LINGO2: variants seen among roughly 807,000 people sequenced by gnomAD.
LINGO2 encodes the protein leucine-rich repeat and immunoglobulin-like domain-containing nogo receptor-interacting protein 2.
In LINGO2, 14 loss-of-function variants were observed where a neutral mutation model predicts 30.6. The ratio of observed to expected loss-of-function variants is 0.46; its 90% CI spans 0.30 to 0.72. The LOEUF is 0.72. Ranked by LOEUF, LINGO2 falls within the 30% of genes least tolerant of loss-of-function variation. LINGO2 has a pLI of 0.07. For missense variants in LINGO2, 729 were observed against 751.7 expected, an observed-to-expected ratio of 0.97 and a Z score of 0.35; for synonymous variants, 317 against 288.5, an observed-to-expected ratio of 1.10 and a Z score of -1.00.
chr9:28,318,134 T>G (rs953967390), intron 3 of LINGO2, among the ~76,000 whole-genome samples: 2 of 152,208 alleles, frequency 1.3e-5, no homozygotes, highest in African/African-American at 4.8e-5. Flanking sequence ...ACAATTGGAC[T>G]AATTTGCTTC....
chr9:28,899,989 C>T, the LINGO2 span, among the ~76,000 whole-genome samples: 2 of 152,170 alleles, frequency 1.3e-5, no homozygotes, highest in Non-Finnish European at 2.9e-5. Flanking sequence ...AATCAGGTTC[C>T]AGGTCAGCCC....
chr9:28,691,353 T>A, the LINGO2 span, among the ~76,000 whole-genome samples: 12 of 152,202 alleles, frequency 7.9e-5, no homozygotes, highest in East Asian at 1.2e-3. Context: ...TTGGGTAAAG[T>A]TGACTGGTTG....
the LINGO2 span, among the ~76,000 whole-genome samples, chr9:28,841,929 G>C: frequency 1.3e-5 from 2 of 151,730 alleles, no homozygotes. Context: ...ATAATCTGTT[G>C]TATAAATGAG....
the LINGO2 span, among the ~76,000 whole-genome samples, chr9:29,079,718 A>G: frequency 1.3e-5 from 2 of 152,032 alleles, no homozygotes; most frequent in Non-Finnish European, 1.5e-5. Context: ...AAAGATATGC[A>G]AAGTATGCCT....
the LINGO2 span, among the ~76,000 whole-genome samples, chr9:29,033,396 ATATC>A: frequency 6.7e-6 from 1 of 149,248 alleles, no homozygotes; most frequent in African/African-American, 2.4e-5. Flanking sequence ...ATATATATAT[ATATC>A]TCTTCTATAT....
the LINGO2 span, among the ~76,000 whole-genome samples, chr9:28,738,776 A>G: frequency 9.3e-4 from 141 of 152,230 alleles, no homozygotes; most frequent in African/African-American, 3.3e-3. Context: ...GTCCCACATC[A>G]AAATGTAAAA....
chr9:28,189,509 A>G (rs376407929), intron 4 of LINGO2, among the ~76,000 whole-genome samples: 52 of 14,366 alleles, frequency 3.6e-3, no homozygotes, highest in Admixed American at 6.7e-3. Flanking sequence ...GGAAGGAAGG[A>G]AGGGAGGGAG....
intron 1 of LINGO2, among the ~76,000 whole-genome samples, chr9:28,663,517 C>A (rs937626059): frequency 2.6e-5 from 4 of 152,104 alleles, no homozygotes; most frequent in African/African-American, 9.7e-5. Flanking sequence ...GTGAGAATGG[C>A]ATGCAACAAA....
At chr9:29,113,580 A>G in the LINGO2 span, among the ~76,000 whole-genome samples, 35,746 of 152,134 alleles carry the variant, frequency 0.23, 4,335 homozygotes, top group East Asian at 0.4. Flanking sequence ...AATTCTGACT[A>G]AAGAAGTAAC....
chr9:28,342,773 A>T (rs1051527108), intron 3 of LINGO2, among the ~76,000 whole-genome samples: 2 of 151,814 alleles, frequency 1.3e-5, no homozygotes, highest in East Asian at 3.9e-4. Context: ...ATGACTCTAC[A>T]TGGTTAAAAC....
chr9:28,403,337 C>T (rs564084265), intron 2 of LINGO2, among the ~76,000 whole-genome samples: 2 of 152,284 alleles, frequency 1.3e-5, no homozygotes, highest in East Asian at 3.9e-4. Flanking sequence ...CTCCCAGCTC[C>T]TCTACAGGAT....
At chr9:28,525,153 G>T (rs1439944564) in intron 1 of LINGO2, among the ~76,000 whole-genome samples, 1 of 152,174 alleles carries the variant, frequency 6.6e-6, no homozygotes, top group Non-Finnish European at 1.5e-5. Context: ...CAAAACTGCA[G>T]TGAGATAACA....
rs57624749 is a variant in LINGO2, at chr9:28,009,001, G to T, written c.-36+3354C>A. Among the ~76,000 whole-genome samples the T allele has an allele frequency of 2.4e-3, 371 of 152,252 alleles. 1 individual carries two copies. Among genetic ancestry groups the T allele is most frequent in the African/African-American group, 8.6e-3 (357 of 41,558 alleles). ...TATATTTGGATTATTCACACTTACCGATTTCAAAATTTACTATAAAGCAAC... is the reference window on the plus strand; with the variant it reads ...TATATTTGGATTATTCACACTTACCTATTTCAAAATTTACTATAAAGCAAC... On this transcript the variant is annotated intron_variant, in intron 5 of 5. Coordinates refer to ENST00000379992, the Ensembl canonical transcript of LINGO2.
At chr9:28,309,781 T>C (rs1429519276) in intron 3 of LINGO2, among the ~76,000 whole-genome samples, 2 of 151,776 alleles carry the variant, frequency 1.3e-5, no homozygotes, top group Non-Finnish European at 2.9e-5. Flanking sequence ...AAAACTCGTG[T>C]AAAATACCTA....
chr9:29,087,590 C>T, the LINGO2 span, among the ~76,000 whole-genome samples: 2 of 152,136 alleles, frequency 1.3e-5, no homozygotes, highest in Non-Finnish European at 2.9e-5. Flanking sequence ...AAGACTGGGA[C>T]TCTCTCGCTC....
intron 2 of LINGO2, among the ~76,000 whole-genome samples, chr9:28,460,535 A>G (rs1825036414): frequency 6.6e-6 from 1 of 152,188 alleles, no homozygotes; most frequent in Non-Finnish European, 1.5e-5. Flanking sequence ...ACATAAGAAT[A>G]TAGTGCAATA....
the LINGO2 span, among the ~76,000 whole-genome samples, chr9:28,990,638 G>A: frequency 3.9e-5 from 6 of 152,044 alleles, no homozygotes; most frequent in Non-Finnish European, 8.8e-5. Context: ...TCACACGGCC[G>A]GGTACTCCTC....
intron 4 of LINGO2, among the ~76,000 whole-genome samples, chr9:28,024,777 G>A (rs775251768): frequency 6.6e-6 from 1 of 152,154 alleles, no homozygotes; most frequent in Non-Finnish European, 1.5e-5. Flanking sequence ...CTTGAGTTCT[G>A]AAGAGTAGGC....
intron 1 of LINGO2, among the ~76,000 whole-genome samples, chr9:28,613,109 G>A (rs1000240157): frequency 1.3e-5 from 2 of 152,064 alleles, no homozygotes; most frequent in Non-Finnish European, 2.9e-5. Flanking sequence ...TCTCTGCTAT[G>A]ATGATAAGTT....
Sources: allele counts gnomAD v4.1 joint callset (sites outside exome capture counted in the v4.1 genomes callset), GRCh38; gene constraint gnomAD v4.1.1; transcripts MANE v1.5; gene names NCBI Gene and HGNC (gene_info 2026-07-23, HGNC 2026-07-21).